The following HPSE2 variants were observed in gnomAD, a reference collection of about 807,000 sequenced individuals.
The protein encoded by HPSE2 is heparanase 2 (inactive), also known as inactive heparanase-2.
In HPSE2, 38 loss-of-function variants were observed where a neutral mutation model predicts 60.5. That is an observed-to-expected ratio of 0.63 (90% CI 0.48 to 0.82). The LOEUF is 0.82. HPSE2 is among the 40% of genes least tolerant of loss of function. HPSE2 has a pLI of 0.00. For synonymous variants in HPSE2, 295 were observed against 293.2 expected (o/e 1.01, Z -0.06); for missense variants, 713 against 740.4 (o/e 0.96, Z 0.43).
intron 3 of HPSE2, among the ~76,000 whole-genome samples, chr10:98,973,264 C>T (rs567214388): frequency 1.3e-5 from 2 of 152,238 alleles, no homozygotes; most frequent in South Asian, 2.1e-4. Flanking sequence ...ACAAAATTGA[C>T]AGTGTTTGCA....
chr10:99,196,760 G>A (rs1848413698), intron 2 of HPSE2, among the ~76,000 whole-genome samples: 1 of 152,140 alleles, frequency 6.6e-6, no homozygotes, highest in South Asian at 2.1e-4. Context: ...GTACATTGCT[G>A]GTGCTGGTGC....
chr10:98,653,153 T>G (rs999412227), intron 6 of HPSE2, among the ~76,000 whole-genome samples: 4 of 152,220 alleles, frequency 2.6e-5, no homozygotes, highest in Non-Finnish European at 5.9e-5. Context: ...GAGGTCTGCT[T>G]TGTCTGAAAC....
At chr10:98,585,190 C>T (rs890778234) in intron 9 of HPSE2, among the ~76,000 whole-genome samples, 3 of 151,922 alleles carry the variant, frequency 2.0e-5, no homozygotes, top group Non-Finnish European at 2.9e-5. Flanking sequence ...GGGTTAGATG[C>T]TACATGAAAA....
At chr10:98,927,963 GC>G (rs1365240276) in intron 3 of HPSE2, among the ~76,000 whole-genome samples, 1 of 145,710 alleles carries the variant, frequency 6.9e-6, no homozygotes, top group Non-Finnish European at 1.5e-5. Flanking sequence ...AAAAGCAATG[GC>G]AACAAAAGCC....
chr10:98,946,899 T>C (rs1168178032), intron 3 of HPSE2, among the ~76,000 whole-genome samples: 1 of 152,082 alleles, frequency 6.6e-6, no homozygotes, highest in Non-Finnish European at 1.5e-5. Context: ...GTGAGCAATT[T>C]GTCTCTCCAG....
chr10:99,247,968 C>T, the HPSE2 span, among the ~76,000 whole-genome samples: 1 of 152,194 alleles, frequency 6.6e-6, no homozygotes, highest in Non-Finnish European at 1.5e-5. Context: ...CTCAGCCATA[C>T]TTACTGTACA....
At chr10:98,587,684 C>T (rs1222834546) in intron 9 of HPSE2, among the ~76,000 whole-genome samples, 4 of 152,146 alleles carry the variant, frequency 2.6e-5, no homozygotes, top group Non-Finnish European at 1.5e-5. Flanking sequence ...AACTTCAGTT[C>T]ACCCCTCCTT....
chr10:98,729,012 C>CAAAAGAAAAG (rs371166035), intron 4 of HPSE2, among the ~76,000 whole-genome samples: 3 of 150,740 alleles, frequency 2.0e-5, no homozygotes, highest in African/African-American at 4.9e-5. Flanking sequence ...TTGTATGAAA[C>CAAAAGAAAAG]AAAAGAAAAG....
At chr10:99,111,567 A>G (rs1010798094) in intron 3 of HPSE2, among the ~76,000 whole-genome samples, 10 of 152,224 alleles carry the variant, frequency 6.6e-5, no homozygotes, top group African/African-American at 2.4e-4. Context: ...TTGTTCAACA[A>G]TTCGAATTCC....
At chr10:98,650,295 C>T (rs1946882088) in intron 6 of HPSE2, among the ~76,000 whole-genome samples, 1 of 152,190 alleles carries the variant, frequency 6.6e-6, no homozygotes, top group Non-Finnish European at 1.5e-5. Context: ...GGTACATCAG[C>T]ATTGGACTGT....
rs72831934 is a variant in HPSE2 at position 98,608,328 on chromosome 10, A to T, written c.1320+6576T>A. ...TTGCACCTTCTGATTTTAGGTCTAGAGCGCTTTCTGTTTCCCAAGGGGGCT... is the reference window on the plus strand; with the variant it reads ...TTGCACCTTCTGATTTTAGGTCTAGTGCGCTTTCTGTTTCCCAAGGGGGCT... On this transcript the variant is annotated intron_variant, in intron 9 of 11. Coordinates refer to ENST00000370552, the MANE Select transcript of HPSE2 (RefSeq NM_021828.5). 1.3e-3 allele frequency among the ~76,000 whole-genome samples: 199 copies of T among 152,312 alleles called. 1 individual carries two copies. Among genetic ancestry groups the T allele is most frequent in the Admixed American group, 2.8e-3 (43 of 15,302 alleles).
In HPSE2 at chr10:98,458,533, G is replaced by A. The variant is rs1940142399; in HGVS notation, c.*1041C>T. On this transcript the variant is annotated 3_prime_UTR_variant, in exon 12 of 12. Transcript: ENST00000370552. ...AGGCTACTTGGGAAGAGGCAAAAAG[G>A]TTAGATTCAGTTGTGTCTTCCAGTG... 1 of 152,142 alleles carries A rather than the reference G, an allele frequency of 6.6e-6. No individual in the cohort carries two copies. The highest frequency in any genetic ancestry group is 6.5e-5 in the Admixed American group (1 of 15,278). 9.4% of individuals were successfully genotyped at this position (152,142 alleles called of 1,614,324 possible). A position where few individuals can be genotyped will look rare whatever the true frequency, so the allele number is the denominator to read the frequency against.
At chr10:98,626,127 AAAAG>A (rs1167437551) in intron 7 of HPSE2, among the ~76,000 whole-genome samples, 8 of 151,730 alleles carry the variant, frequency 5.3e-5, no homozygotes, top group East Asian at 1.9e-4. Flanking sequence ...AGAAAAAGAA[AAAAG>A]AAAAAAGATG....
chr10:99,187,391 A>G lies in HPSE2; in HGVS notation c.449-42992T>C, dbSNP rs187164618. Among the ~76,000 whole-genome samples the G allele has an allele frequency of 1.3e-3, 193 of 152,336 alleles. 2 individuals are homozygous for G. The highest frequency in any genetic ancestry group is 2.0e-3 in the Non-Finnish European group (137 of 68,032). On this transcript the variant is annotated intron_variant, in intron 2 of 11. Transcript: ENST00000370552. The stretch of plus-strand genomic sequence containing the variant: ...ATAAAAAGCACAAATTACTTTTTAA[A>G]TTATGAATTGCATTTCATCAAAATT...
intron 3 of HPSE2, among the ~76,000 whole-genome samples, chr10:98,819,454 C>T (rs954245968): frequency 3.8e-5 from 5 of 132,676 alleles, no homozygotes; most frequent in Admixed American, 3.2e-4. Context: ...GTTCTCTTGG[C>T]CCCAGTTCAC....
chr10:98,653,635 T>C (rs1361181762), intron 6 of HPSE2, among the ~76,000 whole-genome samples: 1 of 152,088 alleles, frequency 6.6e-6, no homozygotes, highest in Non-Finnish European at 1.5e-5. Context: ...TAGAGTATCC[T>C]AAATTTATCC....
chr10:98,978,586 T>C (rs1355676239), intron 3 of HPSE2, among the ~76,000 whole-genome samples: 1 of 152,206 alleles, frequency 6.6e-6, no homozygotes, highest in Non-Finnish European at 1.5e-5. Flanking sequence ...TCAGCTTCTA[T>C]ATGGCTAATA....
At chr10:99,150,135 C>T (rs1387180435) in intron 2 of HPSE2, among the ~76,000 whole-genome samples, 2 of 152,170 alleles carry the variant, frequency 1.3e-5, no homozygotes, top group Non-Finnish European at 2.9e-5. Flanking sequence ...GGGCATCTTG[C>T]ACCAAAGTTG....
chr10:98,546,561 C>T (rs930442446), intron 9 of HPSE2, among the ~76,000 whole-genome samples: 29 of 152,024 alleles, frequency 1.9e-4, no homozygotes, highest in African/African-American at 6.5e-4. Flanking sequence ...GGAAAGGATT[C>T]CCTATTTAAT....
Sources: gnomAD v4.1 joint callset for allele counts (sites outside exome capture counted in the v4.1 genomes callset) on GRCh38, gnomAD v4.1.1 for gene constraint, MANE v1.5 for transcripts, NCBI Gene and HGNC (gene_info 2026-07-23, HGNC 2026-07-21) for gene names.